MARCHF8: variants seen among roughly 807,000 people sequenced by gnomAD.
MARCHF8 encodes the protein E3 ubiquitin-protein ligase MARCHF8.
Under a neutral mutation model 51.6 loss-of-function variants are expected in MARCHF8, and 40 were observed. The ratio of observed to expected loss-of-function variants is 0.77; its 90% CI spans 0.60 to 1.01. The LOEUF is 1.01. Ranked by LOEUF, MARCHF8 falls within the 50% of genes least tolerant of loss-of-function variation. MARCHF8 has a pLI of 0.00. For missense variants in MARCHF8, 685 were observed against 708.6 expected (o/e 0.97, Z 0.38); for synonymous variants, 263 against 280.3 (o/e 0.94, Z 0.62).
At chr10:45,477,001 G>C (rs927312065) in intron 3 of MARCHF8, among the ~76,000 whole-genome samples, 1 of 152,032 alleles carries the variant, frequency 6.6e-6, no homozygotes, top group Non-Finnish European at 1.5e-5. Context: ...GATATAAGAA[G>C]CTCAGAGATA....
chr10:45,590,414 G>A (rs2044664995), intron 1 of MARCHF8, among the ~76,000 whole-genome samples: 1 of 152,054 alleles, frequency 6.6e-6, no homozygotes, highest in Non-Finnish European at 1.5e-5. Flanking sequence ...AAACACTGGG[G>A]AGCATGTAGA....
intron 1 of MARCHF8, 77 bp from the exon 2 acceptor site, chr10:45,533,366 A>G: frequency 1.1e-6 from 1 of 880,210 alleles, no homozygotes. Flanking sequence ...TTAACATTTT[A>G]TACTTATATT....
At chr10:45,468,209 GGA>G (rs1346399542) in intron 3 of MARCHF8, among the ~76,000 whole-genome samples, 1 of 152,086 alleles carries the variant, frequency 6.6e-6, no homozygotes, top group Non-Finnish European at 1.5e-5. Context: ...GAACATACGG[GGA>G]AAAAAAACTT....
chr10:45,488,514 T>A (rs2043025235), intron 3 of MARCHF8, among the ~76,000 whole-genome samples: 1 of 152,122 alleles, frequency 6.6e-6, no homozygotes, highest in African/African-American at 2.4e-5. Context: ...CAACTCAGCA[T>A]TCCCCTGGAG....
chr10:45,464,362 A>G (rs747819300), intron 3 of MARCHF8, 35 bp from the exon 4 acceptor site: 1 of 1,579,590 alleles, frequency 6.3e-7, no homozygotes, highest in Non-Finnish European at 8.7e-7. Flanking sequence ...TGTTCAGGTA[A>G]GAGCCAAGGG....
At chr10:45,540,512 G>A (rs1158473901) in intron 1 of MARCHF8, among the ~76,000 whole-genome samples, 1 of 152,100 alleles carries the variant, frequency 6.6e-6, no homozygotes, top group Non-Finnish European at 1.5e-5. Context: ...GCATGGGCAA[G>A]GACTTCATGT....
intron 3 of MARCHF8, among the ~76,000 whole-genome samples, chr10:45,476,969 T>C (rs755014175): frequency 6.6e-6 from 1 of 151,920 alleles, no homozygotes. Flanking sequence ...TTCCCAAGTC[T>C]TGCAAAAGAT....
intron 1 of MARCHF8, among the ~76,000 whole-genome samples, chr10:45,589,903 G>A (rs2133445512): frequency 6.6e-6 from 1 of 152,278 alleles, no homozygotes; most frequent in East Asian, 1.9e-4. Flanking sequence ...ATAAATATAT[G>A]TTTTCATTTC....
chr10:45,502,604 C>T (rs1423064761), intron 2 of MARCHF8, among the ~76,000 whole-genome samples: 4 of 152,172 alleles, frequency 2.6e-5, no homozygotes, highest in African/African-American at 9.7e-5. Flanking sequence ...GTGTCTTGCT[C>T]ATCAGGAAAC....
chr10:45,473,272 A>T (rs2042727770), intron 3 of MARCHF8, among the ~76,000 whole-genome samples: 1 of 152,202 alleles, frequency 6.6e-6, no homozygotes, highest in Non-Finnish European at 1.5e-5. Context: ...AATCATTGTA[A>T]TTGCTCATTA....
At chr10:45,472,683 T>TAA (rs2042714548) in intron 3 of MARCHF8, among the ~76,000 whole-genome samples, 1 of 152,222 alleles carries the variant, frequency 6.6e-6, no homozygotes, top group South Asian at 2.1e-4. Context: ...GAAATTGTTT[T>TAA]AAACCTGCCC....
chr10:45,471,150 T>A (rs76491632), intron 3 of MARCHF8, among the ~76,000 whole-genome samples: 2 of 152,186 alleles, frequency 1.3e-5, no homozygotes, highest in African/African-American at 4.8e-5. Context: ...ATGATATCCA[T>A]TATAAATGAC....
In MARCHF8 at chr10:45,473,333, A is replaced by G. The variant is rs181917580; in HGVS notation, c.154-9006T>C. 3.5e-3 allele frequency among the ~76,000 whole-genome samples: 539 copies of G among 152,360 alleles called. 6 individuals are homozygous for G. The highest frequency in any genetic ancestry group is 5.9e-3 in the Non-Finnish European group (401 of 68,036). On this transcript the variant is annotated intron_variant, in intron 3 of 7. Coordinates refer to ENST00000453424, the MANE Select transcript of MARCHF8 (RefSeq NM_001282866.2). ...GGAATATTTGATTAACAAGAGGTAC[A>G]TATCACAGTCTGCAAGGCCCCAGCC...
At chr10:45,577,264 G>A (rs1178419642) in intron 1 of MARCHF8, among the ~76,000 whole-genome samples, 2 of 148,420 alleles carry the variant, frequency 1.3e-5, no homozygotes, top group Admixed American at 6.7e-5. Flanking sequence ...GATGGTTAAT[G>A]GGCACAAAAA....
chr10:45,526,332 GA>G (rs2043792916), intron 2 of MARCHF8, among the ~76,000 whole-genome samples: 2 of 152,194 alleles, frequency 1.3e-5, no homozygotes, highest in African/African-American at 4.8e-5. Context: ...TAGATGCTGG[GA>G]AAGGGTAGAT....
At chr10:45,485,681 A>G (rs1332539215) in intron 3 of MARCHF8, among the ~76,000 whole-genome samples, 1 of 152,230 alleles carries the variant, frequency 6.6e-6, no homozygotes, top group East Asian at 1.9e-4. Context: ...AGGCATGATT[A>G]AAGGTTTATT....
chr10:45,489,461 A>G (rs748871055), intron 2 of MARCHF8, 44 bp from the exon 3 acceptor site: 4 of 1,512,702 alleles, frequency 2.6e-6, no homozygotes, highest in Non-Finnish European at 1.8e-6. Flanking sequence ...TCTTTGATTA[A>G]AATATGCAAA....
In MARCHF8 at chr10:45,528,740, T is replaced by C. The variant is rs116560230; in HGVS notation, c.102+4370A>G. On this transcript the variant is annotated intron_variant, in intron 2 of 7. Transcript: ENST00000453424. ...ACCAAGAAGTCAATCCCATTTACAA[T>C]AGCTACAAAAAAATAATAAAATACT... is the stretch of plus-strand genomic sequence containing the variant. Among the ~76,000 whole-genome samples, 1,031 of 152,138 alleles carry C rather than the reference T, an allele frequency of 6.8e-3. 9 individuals carry two copies. Among genetic ancestry groups the C allele is most frequent in the African/African-American group, 0.024 (981 of 41,482 alleles).
intron 3 of MARCHF8, among the ~76,000 whole-genome samples, chr10:45,488,615 G>C (rs903971658): frequency 6.6e-6 from 1 of 152,184 alleles, no homozygotes; most frequent in African/African-American, 2.4e-5. Context: ...GCCAACAGAA[G>C]GTTTGCTGGA....
Sources: gnomAD v4.1 joint callset for allele counts (sites outside exome capture counted in the v4.1 genomes callset) on GRCh38, gnomAD v4.1.1 for gene constraint, MANE v1.5 for transcripts, NCBI Gene and HGNC (gene_info 2026-07-23, HGNC 2026-07-21) for gene names.